Variants in PPRC1 observed in about 807,000 individuals in gnomAD.
PPRC1 encodes the protein peroxisome proliferator-activated receptor gamma coactivator-related protein 1.
A neutral mutation model predicts 132.5 loss-of-function variants in PPRC1; 23 were observed. The ratio of observed to expected loss-of-function variants is 0.17; its 90% CI spans 0.12 to 0.25. The LOEUF (loss-of-function observed/expected upper bound fraction) is 0.25, where lower values mean the gene tolerates loss of function less well. Ranked by LOEUF, PPRC1 falls within the 10% of genes least tolerant of loss-of-function variation. The probability of loss-of-function intolerance (pLI) is 1.00; values close to 1 mark genes in which losing one functional copy is unlikely to be tolerated. For synonymous variants in PPRC1, 872 were observed against 833.5 expected, an observed-to-expected ratio of 1.05 and a Z score of -0.80; for missense variants, 2,006 against 2,089.1, an observed-to-expected ratio of 0.96 and a Z score of 0.78.
At position 102,148,452 on chromosome 10, in the gene PPRC1, C is replaced by G; in HGVS notation, c.4481C>G (p.Ser1494Cys). Residue 1494 changes from serine (S) to cysteine (C), a missense_variant, in exon 10 of 14, where the codon TCC becomes TGC. Ser to Cys is a moderately radical substitution (Grantham distance 112, BLOSUM62 -1). This residue lies in a region of PPRC1 where 1,914 missense variants were observed against 1,917.2 expected (regional missense o/e 1.00). Coordinates refer to ENST00000278070, the MANE Select transcript of PPRC1 (RefSeq NM_015062.5). The surrounding 1 kb of genome is among the most constrained non-coding windows in gnomAD (Gnocchi z 4.2). ...SSSSSSSSSSSSSSSSRSRSR... is the reference protein window; with the variant it reads ...SSSSSSSSSSCSSSSSRSRSR... ...TCATCTTCCTCTTCGTCTTCCTCAT[C>G]CTCATCATCCAGTTCTCGAAGCCGC... 2 of 1,611,806 alleles carry G rather than the reference C, an allele frequency of 1.2e-6. No homozygotes were observed. Among genetic ancestry groups the G allele is most frequent in the Non-Finnish European group, 1.7e-6 (2 of 1,177,852 alleles).
Position 102,147,199 on chromosome 10 carries a change from C to T in PPRC1, c.4207C>T (p.Arg1403Cys), listed in dbSNP as rs559209615. The change falls in exon 9 of 14, where the codon CGC (arginine) becomes TGC (cysteine). Residue 1403 changes from arginine to cysteine, a missense_variant. Arg to Cys is a radical substitution (Grantham distance 180). Transcript: ENST00000278070. ...ACCCTCAGCCAAGCAGCGGTCAATG[C>T]GCTGTTACCGAAAAGCCTGCAGGTC... ...PEPSAKQRSM[R>C]CYRKACRSAS... 23 of 1,613,774 alleles carry T rather than the reference C, an allele frequency of 1.4e-5. No individual in the cohort carries two copies. Among genetic ancestry groups the T allele is most frequent in the East Asian group, 1.3e-4 (6 of 44,886 alleles).
In PPRC1 at chr10:102,141,893, GTCC is replaced by G. The variant is rs2068999228; in HGVS notation, c.3386_3388del (p.Val1129_Pro1130delinsAla). On this transcript the variant is annotated inframe_deletion, in exon 5 of 14. Coordinates refer to ENST00000278070, the MANE Select transcript of PPRC1 (RefSeq NM_015062.5). Reference sequence around the variant, plus strand: ...TGTTCCCACACCAAGGCAGAGCACTGTCCCCAAGCTGCCTGCTGTCCACCCAGC... The same window carrying G: ...TGTTCCCACACCAAGGCAGAGCACTGCCAAGCTGCCTGCTGTCCACCCAGC... The G allele has an allele frequency of 6.2e-7, 1 of 1,614,148 alleles. No homozygotes were observed. The highest frequency in any genetic ancestry group is 1.7e-5 in the Admixed American group (1 of 60,020).
At chr10:102,121,329 G>T in the PPRC1 span, among the ~76,000 whole-genome samples, 1 of 152,142 alleles carries the variant, frequency 6.6e-6, no homozygotes, top group East Asian at 1.9e-4. Context: ...CTGCCTGGAA[G>T]CTGCTGTCCT....
At chr10:102,137,057 G>A (rs1433797055) in intron 1 of PPRC1, among the ~76,000 whole-genome samples, 2 of 152,176 alleles carry the variant, frequency 1.3e-5, no homozygotes, top group Non-Finnish European at 2.9e-5. Flanking sequence ...AATAAGTGTC[G>A]GCCGGGCGTG....
At position 102,150,167 on chromosome 10, in the gene PPRC1, T is replaced by C; in HGVS notation, c.*138T>C. 1 of 643,572 alleles carries C rather than the reference T, an allele frequency of 1.6e-6. No individual in the cohort carries two copies. Among genetic ancestry groups the C allele is most frequent in the Non-Finnish European group, 2.7e-6 (1 of 370,660 alleles). 39.9% of individuals were successfully genotyped at this position (643,572 alleles called of 1,614,324 possible). A position where few individuals can be genotyped will look rare whatever the true frequency, so the allele number is the denominator to read the frequency against. ...AAATGGAAAAAAGTGAAATAAAAAA[T>C]ATGTTGAATCAGATTTTTTAAAAGG... is the stretch of plus-strand genomic sequence containing the variant. On this transcript the variant is annotated 3_prime_UTR_variant, in exon 14 of 14. Coordinates refer to ENST00000278070, the MANE Select transcript of PPRC1 (RefSeq NM_015062.5).
Position 102,141,199 on chromosome 10 carries a change from G to A in PPRC1, c.2691G>A (p.Leu897=), listed in dbSNP as rs113264021. 6.2e-7 allele frequency: 1 copy of A among 1,613,776 alleles called. No homozygotes were observed. The highest frequency in any genetic ancestry group is 8.5e-7 in the Non-Finnish European group (1 of 1,179,902). Residue 897 remains leucine, a synonymous_variant, in exon 5 of 14, where the codon TTG becomes TTA. Transcript: ENST00000278070. ...CCCCCAGTCTGCCCCCACCTCCCTT[G>A]CAGCCTCCTAGTCTTCCATTGTCTA... ...GMPPSLPPPP[L]QPPSLPLSMG...
At chr10:102,120,273 G>C in the PPRC1 span, 15 of 983,770 alleles carry the variant, frequency 1.5e-5, no homozygotes, top group East Asian at 1.1e-4. Context: ...CTGCGGCGAG[G>C]GGCCTGTCAG....
In PPRC1 at chr10:102,147,356, C is replaced by T. The variant is rs775977370; in HGVS notation, c.4364C>T (p.Ser1455Phe). 1 of 1,609,014 alleles carries T rather than the reference C, an allele frequency of 6.2e-7. No individual in the cohort carries two copies. The highest frequency in any genetic ancestry group is 1.1e-5 in the South Asian group (1 of 91,072). Reference sequence around the variant, plus strand: ...TCGTCTTCCTCATCCCGATCTCGGTCCAGGTCCCTCTCCCCCCCACACAAG... The same window carrying T: ...TCGTCTTCCTCATCCCGATCTCGGTTCAGGTCCCTCTCCCCCCCACACAAG... ...SSSSSSSRSR[S>F]RSLSPPHKRW... The change falls in exon 9 of 14, where the codon TCC (serine) becomes TTC (phenylalanine). Residue 1455 changes from serine (S) to phenylalanine (F), a missense_variant. Transcript: ENST00000278070.
chr10:102,137,061 G>A (rs1301640803), intron 1 of PPRC1, among the ~76,000 whole-genome samples: 1 of 152,218 alleles, frequency 6.6e-6, no homozygotes, highest in Non-Finnish European at 1.5e-5. Context: ...AGTGTCGGCC[G>A]GGCGTGGCGG....
chr10:102,131,047 T>C (rs2068531757), upstream of PPRC1, among the ~76,000 whole-genome samples: 1 of 151,200 alleles, frequency 6.6e-6, no homozygotes, highest in Admixed American at 6.6e-5. Flanking sequence ...AAAAACAAAT[T>C]AGCTGGGTGT....
chr10:102,119,906 C>A, the PPRC1 span, among the ~76,000 whole-genome samples: 4 of 151,818 alleles, frequency 2.6e-5, no homozygotes, highest in East Asian at 7.8e-4. Context: ...TGGGCTGCTG[C>A]GCATTTACAC....
chr10:102,137,441 A>G (rs1323573467), intron 1 of PPRC1, among the ~76,000 whole-genome samples: 1 of 152,220 alleles, frequency 6.6e-6, no homozygotes, highest in Non-Finnish European at 1.5e-5. Context: ...GCAGAGAACT[A>G]AATGGGATTT....
chr10:102,127,061 ATATATAT>A, the PPRC1 span, among the ~76,000 whole-genome samples: 2,732 of 86,916 alleles, frequency 0.031, 165 homozygotes, highest in African/African-American at 0.055. Context: ...ATATATATAT[ATATATAT>A]AAATTAAAAA....
upstream of PPRC1, among the ~76,000 whole-genome samples, chr10:102,129,762 G>C (rs372156612): frequency 1.3e-5 from 2 of 152,036 alleles, no homozygotes; most frequent in African/African-American, 2.4e-5. Flanking sequence ...GCGCCACCAC[G>C]CTTGGCTAAT....
At chr10:102,143,136 T>C in intron 6 of PPRC1, 38 bp downstream of exon 6, 3 of 1,584,484 alleles carry the variant, frequency 1.9e-6, no homozygotes, top group Non-Finnish European at 2.6e-6. Flanking sequence ...AACTCTTTTT[T>C]TGGTGATACT....
the PPRC1 span, among the ~76,000 whole-genome samples, chr10:102,125,676 G>A: frequency 5.1e-4 from 78 of 152,234 alleles, no homozygotes; most frequent in Admixed American, 5.9e-4. Flanking sequence ...TTACAAAAAG[G>A]CAGACAGCAG....
rs1308099803 is a variant in PPRC1 at position 102,143,013 on chromosome 10, C to CTGTGTACTAA, written c.3497-32_3497-31insTGTGTACTAA. ...CCTGTGTACTAAGTTGATAGGGGCT[C>CTGTGTACTAA]GTTTTCAATCCTGTGTTGTGTGCCT... On this transcript the variant is annotated intron_variant, in intron 5 of 13. Coordinates refer to ENST00000278070, the MANE Select transcript of PPRC1 (RefSeq NM_015062.5). The CTGTGTACTAA allele has an allele frequency of 1.9e-6, 3 of 1,590,778 alleles. No individual in the cohort carries two copies. The East Asian group carries it at 6.7e-5, about 36-fold the overall frequency.
chr10:102,121,509 G>A, the PPRC1 span, among the ~76,000 whole-genome samples: 1 of 152,006 alleles, frequency 6.6e-6, no homozygotes, highest in African/African-American at 2.4e-5. Flanking sequence ...CACACTTCAA[G>A]GACTCCCCAA....
the PPRC1 span, among the ~76,000 whole-genome samples, chr10:102,125,012 G>A: frequency 6.6e-6 from 1 of 151,994 alleles, no homozygotes; most frequent in Non-Finnish European, 1.5e-5. Context: ...CGGACTCCTG[G>A]GCTCAAGCAG....
Sources: gnomAD v4.1 joint callset for allele counts (sites outside exome capture counted in the v4.1 genomes callset) on GRCh38, gnomAD v4.1.1 for gene constraint, gnomAD v4.1.1 regional missense constraint, Gnocchi (gnomAD v3.1) non-coding constraint, MANE v1.5 for transcripts, NCBI Gene and HGNC (gene_info 2026-07-23, HGNC 2026-07-21) for gene names.